The following ACTR2 variants were observed in gnomAD, a reference collection of about 807,000 sequenced individuals.
The protein encoded by ACTR2 is actin related protein 2.
A neutral mutation model predicts 50.2 loss-of-function variants in ACTR2; 5 were observed. The ratio of observed to expected loss-of-function variants is 0.10; its 90% confidence interval spans 0.05 to 0.21. ACTR2 has a LOEUF of 0.21. Ranked by LOEUF, ACTR2 falls within the 10% of genes least tolerant of loss-of-function variation. ACTR2 has a pLI of 1.00. For missense variants in ACTR2, 180 were observed against 480.6 expected, an observed-to-expected ratio of 0.37 and a Z score of 5.85; for synonymous variants, 140 against 162.9, an observed-to-expected ratio of 0.86 and a Z score of 1.07.
intron 8 of ACTR2, among the ~76,000 whole-genome samples, chr2:65,267,935 T>C (rs931492665): frequency 2.2e-4 from 28 of 130,098 alleles, no homozygotes; most frequent in South Asian, 2.6e-4. Flanking sequence ...CTCCCAGGTT[T>C]ACGTCATTCT....
chr2:65,241,398 C>T (rs1422427371), intron 2 of ACTR2, among the ~76,000 whole-genome samples: 3 of 152,150 alleles, frequency 2.0e-5, no homozygotes, highest in Non-Finnish European at 4.4e-5. Flanking sequence ...CCACTTTCTT[C>T]GTGTTTAAGG....
At chr2:65,267,682 C>T (rs1672399312) in intron 8 of ACTR2, among the ~76,000 whole-genome samples, 1 of 152,028 alleles carries the variant, frequency 6.6e-6, no homozygotes, top group Non-Finnish European at 1.5e-5. Flanking sequence ...TTCATTTTCT[C>T]ATAACATCCT....
chr2:65,262,705 C>T (rs760771265), intron 7 of ACTR2, among the ~76,000 whole-genome samples: 7 of 151,984 alleles, frequency 4.6e-5, no homozygotes, highest in African/African-American at 7.2e-5. Flanking sequence ...TGGCTGTAAT[C>T]GCAGCACTTT....
At chr2:65,261,225 C>T in intron 6 of ACTR2, 22 bp from the exon 7 acceptor site, 1 of 1,613,386 alleles carries the variant, frequency 6.2e-7, no homozygotes, top group Non-Finnish European at 8.5e-7. Context: ...CTGATTAGTA[C>T]CTGATTATTC....
chr2:65,235,235 T>C (rs889966404), intron 1 of ACTR2, among the ~76,000 whole-genome samples: 1 of 152,056 alleles, frequency 6.6e-6, no homozygotes, highest in African/African-American at 2.4e-5. Context: ...TACTAAAAAA[T>C]ACTAGATGTT....
chr2:65,233,017 C>T (rs1250226190), intron 1 of ACTR2, among the ~76,000 whole-genome samples: 1 of 143,494 alleles, frequency 7.0e-6, no homozygotes, highest in Non-Finnish European at 1.5e-5. Flanking sequence ...TTTTTTTAGA[C>T]AGAGTCTTGC....
At chr2:65,254,315 A>G (rs1672108418) in intron 5 of ACTR2, among the ~76,000 whole-genome samples, 1 of 152,192 alleles carries the variant, frequency 6.6e-6, no homozygotes, top group African/African-American at 2.4e-5. Flanking sequence ...AGTGATAGCA[A>G]ATTAATGATA....
intron 1 of ACTR2, among the ~76,000 whole-genome samples, chr2:65,229,942 T>A (rs1310428119): frequency 1.3e-5 from 2 of 152,132 alleles, no homozygotes; most frequent in Non-Finnish European, 2.9e-5. Flanking sequence ...TGTATCCGCA[T>A]ATGAAAGTTT....
intron 8 of ACTR2, among the ~76,000 whole-genome samples, chr2:65,265,628 C>CA (rs1458939102): frequency 6.6e-6 from 1 of 152,186 alleles, no homozygotes; most frequent in African/African-American, 2.4e-5. Context: ...CATCATGTCT[C>CA]AAAATTTTTT....
intron 8 of ACTR2, among the ~76,000 whole-genome samples, chr2:65,268,039 G>T (rs577139340): frequency 6.6e-6 from 1 of 151,640 alleles, no homozygotes. Context: ...GGGTTTCACT[G>T]TGTTAGCCAG....
At chr2:65,261,601 A>G (rs896617635) in intron 7 of ACTR2, among the ~76,000 whole-genome samples, 1 of 152,214 alleles carries the variant, frequency 6.6e-6, no homozygotes, top group Non-Finnish European at 1.5e-5. Flanking sequence ...TACTAATTCT[A>G]ATGTTCTTCA....
intron 7 of ACTR2, among the ~76,000 whole-genome samples, chr2:65,263,410 A>G: frequency 6.6e-6 from 1 of 152,038 alleles, no homozygotes; most frequent in East Asian, 1.9e-4. Flanking sequence ...AAAAAGATTT[A>G]TAGTCTTATT....
At chr2:65,263,171 C>T (rs577028997) in intron 7 of ACTR2, among the ~76,000 whole-genome samples, 2 of 150,938 alleles carry the variant, frequency 1.3e-5, no homozygotes, top group Admixed American at 1.3e-4. Flanking sequence ...GCTGGAATTG[C>T]AGACGTGAGC....
At chr2:65,231,384 T>A (rs1046001357) in intron 1 of ACTR2, among the ~76,000 whole-genome samples, 2 of 152,238 alleles carry the variant, frequency 1.3e-5, no homozygotes, top group East Asian at 1.9e-4. Context: ...TTTGTAGACA[T>A]GAATAATCAT....
chr2:65,255,805 G>A (rs1672138883), intron 6 of ACTR2, 111 bp downstream of exon 6: 1 of 937,896 alleles, frequency 1.1e-6, no homozygotes, highest in Non-Finnish European at 1.6e-6. Context: ...TTGGGTTGTT[G>A]TAATATGTAT....
chr2:65,227,855 C>G lies in ACTR2; in HGVS notation c.-55C>G. 3 of 1,486,518 alleles carry G rather than the reference C, an allele frequency of 2.0e-6. No homozygotes were observed. Among genetic ancestry groups the G allele is most frequent in the South Asian group, 1.3e-5 (1 of 78,748 alleles). 92.1% of individuals were successfully genotyped at this position (1,486,518 alleles called of 1,614,324 possible). A position where few individuals can be genotyped will look rare whatever the true frequency, so the allele number is the denominator to read the frequency against. ...CGCAAGAGGAAGAAGAGAAAACGGC[C>G]GGGCGGCGGTGGCTGTAGGTTGTGC... On this transcript the variant is annotated 5_prime_UTR_variant, in exon 1 of 9. Transcript: ENST00000260641.
In ACTR2 at chr2:65,270,089, C is replaced by G. The variant is rs1275258142; in HGVS notation, c.*1355C>G. The G allele has an allele frequency of 6.6e-6, 1 of 151,908 alleles. No homozygotes were observed. The highest frequency in any genetic ancestry group is 1.5e-5 in the Non-Finnish European group (1 of 67,964). The allele number at this position is 151,908 out of a possible 1,614,324, so 9.4% of individuals were successfully genotyped here. A position where few individuals can be genotyped will look rare whatever the true frequency, so the allele number is the denominator to read the frequency against. On this transcript the variant is annotated 3_prime_UTR_variant, in exon 9 of 9. Coordinates refer to ENST00000260641, the MANE Select transcript of ACTR2 (RefSeq NM_005722.4). ...ATTCCTTGGTATCTGAAAAAAATAC[C>G]AAATAGTACCATACATGAGTTATTT...
chr2:65,236,898 A>G (rs1426237400), intron 1 of ACTR2, among the ~76,000 whole-genome samples: 1 of 152,122 alleles, frequency 6.6e-6, no homozygotes, highest in Non-Finnish European at 1.5e-5. Flanking sequence ...TATTACTGTC[A>G]TGTATCACAT....
intron 1 of ACTR2, among the ~76,000 whole-genome samples, chr2:65,229,809 T>C (rs1360277255): frequency 7.0e-6 from 1 of 143,720 alleles, no homozygotes; most frequent in East Asian, 2.0e-4. Flanking sequence ...TTTTTAAGAA[T>C]GTAATATTTT....
Sources: gnomAD v4.1 joint callset for allele counts (sites outside exome capture counted in the v4.1 genomes callset) on GRCh38, gnomAD v4.1.1 for gene constraint, MANE v1.5 for transcripts, NCBI Gene and HGNC (gene_info 2026-07-23, HGNC 2026-07-21) for gene names.